VPS45: variants seen among roughly 807,000 people sequenced by gnomAD.
VPS45 encodes vacuolar protein sorting-associated protein 45.
In VPS45, 35 loss-of-function variants were observed where a neutral mutation model predicts 75.9. That is an observed-to-expected ratio of 0.46 (90% confidence interval 0.35 to 0.61). The LOEUF is 0.61. Among genes scored for constraint, VPS45 ranks in the 20% least tolerant of loss-of-function variants. The pLI is 0.00. For missense variants in VPS45, 559 were observed against 685.9 expected (o/e 0.81, Z 2.07); for synonymous variants, 220 against 238.2 (o/e 0.92, Z 0.70).
intron 14 of VPS45, among the ~76,000 whole-genome samples, chr1:150,144,038 C>T (rs1376859340): frequency 6.6e-6 from 1 of 152,052 alleles, no homozygotes; most frequent in Non-Finnish European, 1.5e-5. Context: ...GTACATTTTC[C>T]ATAAGTAAAA....
chr1:150,074,838 A>G (rs1553797702), intron 3 of VPS45, among the ~76,000 whole-genome samples: 2 of 152,116 alleles, frequency 1.3e-5, no homozygotes, highest in African/African-American at 4.8e-5. Flanking sequence ...CTAAGACATT[A>G]TATAATTTTA....
intron 2 of VPS45, 122 bp downstream of exon 2, chr1:150,068,886 C>A: frequency 9.1e-7 from 1 of 1,104,318 alleles, no homozygotes. Context: ...TATCCTGGTT[C>A]ATCAGTGTTA....
intron 14 of VPS45, among the ~76,000 whole-genome samples, chr1:150,131,316 C>T (rs1553812307): frequency 6.6e-6 from 1 of 152,040 alleles, no homozygotes; most frequent in Non-Finnish European, 1.5e-5. Context: ...TGAAACCAGC[C>T]TGGCCAACGT....
intron 13 of VPS45, among the ~76,000 whole-genome samples, chr1:150,101,191 TG>T (rs57162330): frequency 0.022 from 3,215 of 146,032 alleles, 96 homozygotes; most frequent in African/African-American, 0.077. Flanking sequence ...CACTTGAACC[TG>T]GGGAGATGGA....
At chr1:150,117,030 A>G (rs148945022) in intron 14 of VPS45, among the ~76,000 whole-genome samples, 3,269 of 151,938 alleles carry the variant, frequency 0.022, 97 homozygotes, top group African/African-American at 0.074. Context: ...GTGAAACCCC[A>G]TCTCTACTAA....
intron 13 of VPS45, among the ~76,000 whole-genome samples, chr1:150,108,943 A>T (rs1235652039): frequency 6.6e-6 from 1 of 152,066 alleles, no homozygotes; most frequent in Admixed American, 6.6e-5. Context: ...GGGTTTGGGG[A>T]CCCTTATCGT....
At chr1:150,069,628 T>TA (rs1654927520) in intron 2 of VPS45, among the ~76,000 whole-genome samples, 1 of 150,096 alleles carries the variant, frequency 6.7e-6, no homozygotes, top group African/African-American at 2.5e-5. Context: ...GGCTAATTTT[T>TA]TGTATTTTTA....
chr1:150,084,527 A>G (rs1655901018), intron 10 of VPS45, among the ~76,000 whole-genome samples: 1 of 152,176 alleles, frequency 6.6e-6, no homozygotes, highest in African/African-American at 2.4e-5. Context: ...ATGACAAAGT[A>G]TGATGTCACT....
intron 10 of VPS45, 145 bp downstream of exon 10, chr1:150,083,028 A>G (rs1655803232): frequency 2.5e-6 from 2 of 814,464 alleles, no homozygotes; most frequent in Non-Finnish European, 3.7e-6. Context: ...AATATTATTT[A>G]AGATAGATCT....
At chr1:150,088,558 C>T (rs368952254) in intron 10 of VPS45, among the ~76,000 whole-genome samples, 1 of 138,816 alleles carries the variant, frequency 7.2e-6, no homozygotes, top group East Asian at 2.4e-4. Context: ...TGGCTCACTA[C>T]AACTTCTGCC....
At chr1:150,139,019 C>G (rs937742320) in intron 14 of VPS45, among the ~76,000 whole-genome samples, 7 of 152,136 alleles carry the variant, frequency 4.6e-5, no homozygotes. Flanking sequence ...TGCCCTTTCA[C>G]CACTACTGCT....
chr1:150,141,147 A>C (rs1553815179), intron 14 of VPS45, among the ~76,000 whole-genome samples: 1 of 152,196 alleles, frequency 6.6e-6, no homozygotes, highest in Non-Finnish European at 1.5e-5. Context: ...TAACTTCTCC[A>C]AGTAAGTGTT....
At chr1:150,101,462 A>G (rs1209413737) in intron 13 of VPS45, among the ~76,000 whole-genome samples, 1 of 152,066 alleles carries the variant, frequency 6.6e-6, no homozygotes, top group Non-Finnish European at 1.5e-5. Context: ...TAGGCTGGGC[A>G]TGGTGGTTCA....
intron 13 of VPS45, chr1:150,110,277 C>T (rs1416662011): frequency 9.3e-6 from 4 of 430,652 alleles, no homozygotes; most frequent in Admixed American, 7.7e-5. Context: ...ATAAGACATC[C>T]GCTCATAAAC....
chr1:150,118,562 C>T (rs782665415), intron 14 of VPS45, among the ~76,000 whole-genome samples: 1 of 151,956 alleles, frequency 6.6e-6, no homozygotes, highest in Non-Finnish European at 1.5e-5. Flanking sequence ...TGCACCACCA[C>T]ACCTGGCTAA....
At chr1:150,073,469 G>A (rs1553797432) in intron 3 of VPS45, among the ~76,000 whole-genome samples, 2 of 152,004 alleles carry the variant, frequency 1.3e-5, no homozygotes, top group Non-Finnish European at 2.9e-5. Flanking sequence ...CATAAAGCTT[G>A]TCCAGTGGGT....
At chr1:150,081,315 CTT>C (rs36004387) in intron 7 of VPS45, 25 bp from the exon 8 acceptor site, 1 of 1,535,036 alleles carries the variant, frequency 6.5e-7, no homozygotes, top group South Asian at 1.2e-5. Context: ...TGTCAGTTAC[CTT>C]TTTTTTTCAT....
chr1:150,097,123 T>C (rs1409792281), intron 13 of VPS45, among the ~76,000 whole-genome samples: 2 of 148,678 alleles, frequency 1.3e-5, no homozygotes, highest in Non-Finnish European at 3.0e-5. Flanking sequence ...AGTCTTGCTC[T>C]GTCACCCAGG....
chr1:150,132,824 G>A (rs896168730), intron 14 of VPS45, among the ~76,000 whole-genome samples: 17 of 152,172 alleles, frequency 1.1e-4, no homozygotes, highest in African/African-American at 4.1e-4. Context: ...TTTTTCAGCT[G>A]TAAAATGGAG....
Sources: gnomAD v4.1 joint callset for allele counts (sites outside exome capture counted in the v4.1 genomes callset) on GRCh38, gnomAD v4.1.1 for gene constraint, MANE v1.5 for transcripts, NCBI Gene and HGNC (gene_info 2026-07-23, HGNC 2026-07-21) for gene names.